Variants in NR2C2 observed in about 807,000 individuals in gnomAD.
The protein encoded by NR2C2 is nuclear receptor subfamily 2 group C member 2, also known as Nuclear hormone receptor TR4.
A neutral mutation model predicts 62.9 loss-of-function variants in NR2C2; 6 were observed. The observed-to-expected ratio is 0.10, with a 90% CI of 0.05 to 0.19. The LOEUF (loss-of-function observed/expected upper bound fraction) is 0.19. NR2C2 is among the 10% of genes least tolerant of loss of function. The pLI, the probability that NR2C2 is intolerant of heterozygous loss-of-function variation, is 1.00. For synonymous variants in NR2C2, 272 were observed against 273.8 expected (o/e 0.99, Z 0.07); for missense variants, 479 against 762.7 (o/e 0.63, Z 4.38).
At chr3:14,987,318 A>G (rs991654958) in intron 1 of NR2C2, among the ~76,000 whole-genome samples, 1 of 152,126 alleles carries the variant, frequency 6.6e-6, no homozygotes, top group African/African-American at 2.4e-5. Flanking sequence ...CCGGGGCGTA[A>G]GCAATCCTTC....
chr3:14,949,597 C>G (rs2039282385), intron 1 of NR2C2, among the ~76,000 whole-genome samples: 3 of 152,188 alleles, frequency 2.0e-5, no homozygotes, highest in Non-Finnish European at 4.4e-5. Context: ...AGGAGGGCCT[C>G]AGAAACTCAC....
intron 9 of NR2C2, 119 bp downstream of exon 9, chr3:15,030,571 T>A: frequency 9.4e-7 from 1 of 1,064,106 alleles, no homozygotes; most frequent in Non-Finnish European, 1.3e-6. Context: ...CTCATGCCTG[T>A]AATCTTAGCA....
chr3:14,974,245 TTGTA>T (rs2040137407), intron 1 of NR2C2, among the ~76,000 whole-genome samples: 1 of 152,232 alleles, frequency 6.6e-6, no homozygotes, highest in Admixed American at 6.5e-5. Flanking sequence ...GGCTATTTGT[TTGTA>T]TGTCTCTCTT....
In NR2C2 at chr3:15,045,688, TTACTTA is replaced by T. The variant is rs1292055669; in HGVS notation, c.*2681_*2686del. On this transcript the variant is annotated 3_prime_UTR_variant, in exon 14 of 14. Transcript: ENST00000425241. ...AGTAAAGTCAGCCCAAAGTCAAGAA[TTACTTA>T]AAGAGATGCAAACCAAATATTTGGG... 1 of 152,678 alleles carries T rather than the reference TTACTTA, an allele frequency of 6.5e-6. No homozygotes were observed. Among genetic ancestry groups the T allele is most frequent in the African/African-American group, 2.4e-5 (1 of 41,464 alleles). The allele number at this position is 152,678 out of a possible 1,614,324, so 9.5% of individuals were successfully genotyped here.
intron 1 of NR2C2, among the ~76,000 whole-genome samples, chr3:14,971,891 C>T (rs1311490454): frequency 1.3e-5 from 2 of 151,104 alleles, no homozygotes; most frequent in African/African-American, 4.9e-5. Context: ...TCACTGCAAC[C>T]TCCGCCTCCC....
intron 1 of NR2C2, among the ~76,000 whole-genome samples, chr3:14,983,871 T>C (rs960677772): frequency 6.6e-6 from 1 of 152,016 alleles, no homozygotes; most frequent in Non-Finnish European, 1.5e-5. Context: ...ACATCCTTGT[T>C]TTGTATTTTT....
Position 14,993,178 on chromosome 3 carries a change from G to A in NR2C2, c.-39-10698G>A, listed in dbSNP as rs569694157. Among the ~76,000 whole-genome samples, 3 of 152,302 alleles carry A rather than the reference G, an allele frequency of 2.0e-5. No homozygotes were observed. In the South Asian group the frequency reaches 6.2e-4, roughly 32 times the overall value. ...AAATATTTCTGGGAAAAAAGGCCAAGCATGGTGGCTCACGTCTGTAGTCCT... is the reference window on the plus strand; with the variant it reads ...AAATATTTCTGGGAAAAAAGGCCAAACATGGTGGCTCACGTCTGTAGTCCT... On this transcript the variant is annotated intron_variant, in intron 1 of 13. Transcript: ENST00000425241.
At position 15,044,076 on chromosome 3, in the gene NR2C2, C is replaced by G. The variant is rs1575054853; in HGVS notation, c.*1068C>G. 6.6e-6 allele frequency: 1 copy of G among 152,092 alleles called. No homozygotes were observed. Among genetic ancestry groups the G allele is most frequent in the East Asian group, 1.9e-4 (1 of 5,188 alleles). 9.4% of individuals were successfully genotyped at this position (152,092 alleles called of 1,614,324 possible). A position where few individuals can be genotyped will look rare whatever the true frequency, so the allele number is the denominator to read the frequency against. ...TCCCAGGGCTTTCCACTCCAAATGC[C>G]CCCTTGAAAAGGGCTCGTGTTTCTG... is the stretch of plus-strand genomic sequence containing the variant. On this transcript the variant is annotated 3_prime_UTR_variant, in exon 14 of 14. Coordinates refer to ENST00000425241, the MANE Select transcript of NR2C2 (RefSeq NM_001291694.2).
At chr3:15,032,332 C>A (rs147545584) in intron 9 of NR2C2, 47 bp from the exon 10 acceptor site, 11 of 1,613,398 alleles carry the variant, frequency 6.8e-6, no homozygotes, top group African/African-American at 6.7e-5. Context: ...CAAAGCCATC[C>A]CCTGTCCTTC....
intron 11 of NR2C2, among the ~76,000 whole-genome samples, chr3:15,037,700 A>G (rs7613106): frequency 0.072 from 10,919 of 152,332 alleles, 431 homozygotes; most frequent in Middle Eastern, 0.099. Context: ...ATTATTACTC[A>G]GGTACACAAT....
At position 15,036,181 on chromosome 3, in the gene NR2C2, C is replaced by G. The variant is rs1452428614; in HGVS notation, c.1372+1372C>G. Among the ~76,000 whole-genome samples, 9 of 152,072 alleles carry G rather than the reference C, an allele frequency of 5.9e-5. 1 individual carries two copies. Among genetic ancestry groups the G allele is most frequent in the Admixed American group, 4.6e-4 (7 of 15,266 alleles). ...CTGCAGCCTGGGTGACAGAGCGAAA[C>G]TATTTCAAAACAAAAACAAAAAAAA... On this transcript the variant is annotated intron_variant, in intron 11 of 13. Coordinates refer to ENST00000425241, the MANE Select transcript of NR2C2 (RefSeq NM_001291694.2).
At chr3:15,037,897 A>G in intron 11 of NR2C2, 103 bp from the exon 12 acceptor site, 2 of 1,232,650 alleles carry the variant, frequency 1.6e-6, no homozygotes, top group Non-Finnish European at 2.3e-6. Flanking sequence ...ATTTTTCATT[A>G]AAAAGTGAAA....
intron 2 of NR2C2, among the ~76,000 whole-genome samples, chr3:15,006,776 CT>C (rs750432241): frequency 0.015 from 1,995 of 135,028 alleles, 8 homozygotes; most frequent in African/African-American, 0.024. Context: ...AGCCTTGAAT[CT>C]TTTTTTTTTT....
intron 2 of NR2C2, among the ~76,000 whole-genome samples, chr3:15,006,907 C>G (rs2041188974): frequency 6.6e-6 from 1 of 151,596 alleles, no homozygotes; most frequent in Admixed American, 6.6e-5. Flanking sequence ...TCCCAAATAG[C>G]TGGGATTACA....
At chr3:15,037,883 A>ACTGAT in intron 11 of NR2C2, 117 bp from the exon 12 acceptor site, 2 of 1,098,494 alleles carry the variant, frequency 1.8e-6, no homozygotes, top group Non-Finnish European at 2.6e-6. Flanking sequence ...CCTTGAGATT[A>ACTGAT]CTGATTTTTC....
chr3:15,043,122 T>G lies in NR2C2; in HGVS notation c.*114T>G. The G allele has an allele frequency of 9.9e-7, 1 of 1,007,054 alleles. No individual in the cohort carries two copies. The highest frequency in any genetic ancestry group is 1.4e-6 in the Non-Finnish European group (1 of 727,108). The allele number at this position is 1,007,054 out of a possible 1,614,324, so 62.4% of individuals were successfully genotyped here. A position where few individuals can be genotyped will look rare whatever the true frequency, so the allele number is the denominator to read the frequency against. On this transcript the variant is annotated 3_prime_UTR_variant, in exon 14 of 14. Transcript: ENST00000425241. ...ATATTTCCATATGTTAGCCATTTCC[T>G]GTCTGGTTTCTCCTTATCTGTTAAT... is the stretch of plus-strand genomic sequence containing the variant.
At chr3:14,948,588 G>C (rs1428194207) in intron 1 of NR2C2, 4 of 151,830 alleles carry the variant, frequency 2.6e-5, no homozygotes, top group African/African-American at 9.7e-5. Context: ...GGCCGGGTCG[G>C]CGGGGGCGGG....
intron 7 of NR2C2, 98 bp downstream of exon 7, chr3:15,024,306 C>A: frequency 1.3e-6 from 1 of 767,284 alleles, no homozygotes; most frequent in Non-Finnish European, 2.2e-6. Flanking sequence ...CCTTCAGAGA[C>A]CACATCAAAA....
chr3:15,011,866 C>T (rs1290586789), intron 2 of NR2C2, among the ~76,000 whole-genome samples: 1 of 152,176 alleles, frequency 6.6e-6, no homozygotes, highest in Non-Finnish European at 1.5e-5. Context: ...TGTCTTTCCT[C>T]CTAAAGTTGC....
Sources: gnomAD v4.1 joint callset for allele counts (sites outside exome capture counted in the v4.1 genomes callset) on GRCh38, gnomAD v4.1.1 for gene constraint, MANE v1.5 for transcripts, NCBI Gene and HGNC (gene_info 2026-07-23, HGNC 2026-07-21) for gene names.